The following SERPINA4 variants were observed in gnomAD, a reference collection of about 807,000 sequenced individuals.
SERPINA4 encodes the protein kallistatin.
SERPINA4 carries 24 observed loss-of-function variants against 25.4 expected under a neutral mutation model. That is an observed-to-expected ratio of 0.95 (90% CI 0.69 to 1.33). The LOEUF (loss-of-function observed/expected upper bound fraction) is 1.33. SERPINA4 is among the 40% of genes most tolerant of loss of function. SERPINA4 has a pLI of 0.00. For missense variants in SERPINA4, 553 were observed against 535.8 expected (o/e 1.03, Z -0.32); for synonymous variants, 242 against 223.6 (o/e 1.08, Z -0.73).
intron 3 of SERPINA4, among the ~76,000 whole-genome samples, chr14:94,567,631 A>C (rs1902262143): frequency 6.6e-6 from 1 of 152,170 alleles, no homozygotes; most frequent in African/African-American, 2.4e-5. Flanking sequence ...CCACCTACCC[A>C]AGGAATTAAT....
In SERPINA4 at chr14:94,568,079, G is replaced by T. The variant is rs117726981; in HGVS notation, c.924-50G>T. The T allele has an allele frequency of 3.1e-3, 4,891 of 1,599,884 alleles. 7 individuals carry two copies. Among genetic ancestry groups the T allele is most frequent in the Non-Finnish European group, 3.7e-3 (4,282 of 1,168,742 alleles). On this transcript the variant is annotated intron_variant, in intron 3 of 4. Coordinates refer to ENST00000557004, the MANE Select transcript of SERPINA4 (RefSeq NM_006215.4). ...ACCAAGGAGGGCTCTGCCCAGCAGG[G>T]ATCCTGGCTTGTTCATTAATCTAAT...
Position 94,563,812 on chromosome 14 carries a change from C to G in SERPINA4, c.330C>G (p.Thr110=), listed in dbSNP as rs141308668. The change falls in exon 2 of 5, where the codon ACC becomes ACG. Residue 110 remains threonine, a synonymous_variant. Transcript: ENST00000557004. ...QILEGLGFNL[T]ELSESDVHRG... ...TTGAGGGCCTGGGCTTCAACCTCAC[C>G]GAGCTGTCTGAGTCCGATGTCCATA... The G allele has an allele frequency of 2.5e-6, 4 of 1,614,088 alleles. No individual in the cohort carries two copies. In the African/African-American group the frequency reaches 4.0e-5, roughly 16 times the overall value.
chr14:94,567,329 A>C, intron 3 of SERPINA4, 86 bp downstream of exon 3: 2 of 1,421,740 alleles, frequency 1.4e-6, no homozygotes, highest in Non-Finnish European at 1.9e-6. Context: ...CAAAATAGAG[A>C]GTGAACACCA....
At position 94,563,875 on chromosome 14, in the gene SERPINA4, CG is replaced by C; in HGVS notation, c.395del (p.Gly132AlafsTer14). The C allele has an allele frequency of 6.2e-7, 1 of 1,614,144 alleles. No homozygotes were observed. The highest frequency in any genetic ancestry group is 8.5e-7 in the Non-Finnish European group (1 of 1,180,030). On this transcript the variant is annotated frameshift_variant, in exon 2 of 5. Transcript: ENST00000557004. LOFTEE classifies it high-confidence loss of function. ...ACCTCCTGCACACTCTCAACCTCCC[CG>C]GCCATGGGCTGGAAACACGCGTGGG... ...QHLLHTLNLP[G>X]HGLETRVGSA...
chr14:94,563,936 C>T lies in SERPINA4; in HGVS notation c.454C>T (p.Leu152Phe), dbSNP rs745567923. 6.2e-7 allele frequency: 1 copy of T among 1,614,088 alleles called. No individual in the cohort carries two copies. Among genetic ancestry groups the T allele is most frequent in the East Asian group, 2.2e-5 (1 of 44,892 alleles). The change falls in exon 2 of 5, where the codon CTT (leucine) becomes TTT (phenylalanine). Residue 152 changes from leucine (L) to phenylalanine (F), a missense_variant. Physicochemically the swap from Leu to Phe is conservative, Grantham distance 22 (BLOSUM62 0). Transcript: ENST00000557004. Reference sequence around the variant, plus strand: ...GTTCCTGAGCCACAACCTGAAGTTCCTTGCAAAATTCCTGAATGACACCAT... The same window carrying T: ...GTTCCTGAGCCACAACCTGAAGTTCTTTGCAAAATTCCTGAATGACACCAT... ...ALFLSHNLKFLAKFLNDTMAV... is the reference protein window; with the variant it reads ...ALFLSHNLKFFAKFLNDTMAV...
chr14:94,561,524 A>G, intron 1 of SERPINA4, 30 bp downstream of exon 1: 1 of 563,856 alleles, frequency 1.8e-6, no homozygotes. Flanking sequence ...AATGGAGACG[A>G]GAGACTCTAG....
At chr14:94,566,717 C>G (rs528010126) in intron 2 of SERPINA4, among the ~76,000 whole-genome samples, 1 of 152,210 alleles carries the variant, frequency 6.6e-6, no homozygotes, top group Non-Finnish European at 1.5e-5. Context: ...TCTTCTCTAT[C>G]AATCCTACTC....
chr14:94,561,518 G>A, intron 1 of SERPINA4, 24 bp downstream of exon 1: 1 of 531,394 alleles, frequency 1.9e-6, no homozygotes, highest in Non-Finnish European at 2.9e-6. Flanking sequence ...TGAGACAATG[G>A]AGACGAGAGA....
At chr14:94,564,235 G>A (rs1419232226) in intron 2 of SERPINA4, 104 bp downstream of exon 2, 6 of 1,241,676 alleles carry the variant, frequency 4.8e-6, no homozygotes, top group Non-Finnish European at 6.8e-6. Flanking sequence ...AAGTAAAAAC[G>A]TTGTGTCTGA....
chr14:94,562,269 A>G (rs1034724406), intron 1 of SERPINA4, among the ~76,000 whole-genome samples: 1 of 152,168 alleles, frequency 6.6e-6, no homozygotes, highest in Non-Finnish European at 1.5e-5. Flanking sequence ...AAAACCACAG[A>G]TATTACTATC....
chr14:94,567,335 C>A, intron 3 of SERPINA4, 92 bp downstream of exon 3: 1 of 1,346,538 alleles, frequency 7.4e-7, no homozygotes, highest in Non-Finnish European at 1.0e-6. Context: ...AGAGAGTGAA[C>A]ACCAAATTAT....
chr14:94,564,192 G>A (rs1301803544), intron 2 of SERPINA4, 61 bp downstream of exon 2: 1 of 1,509,308 alleles, frequency 6.6e-7, no homozygotes, highest in Admixed American at 1.7e-5. Flanking sequence ...CCACTAATTT[G>A]TTGACTGGTT....
chr14:94,565,159 C>T (rs180816773), intron 2 of SERPINA4, among the ~76,000 whole-genome samples: 77 of 152,286 alleles, frequency 5.1e-4, no homozygotes, highest in Admixed American at 1.8e-3. Flanking sequence ...CCAATGTAAG[C>T]GGACAAGTCA....
rs1595066089 is a variant in SERPINA4 at position 94,567,069 on chromosome 14, A to G, written c.749A>G (p.Gln250Arg). ...CGGGTGCCCATGATGCTGCAGGACC[A>G]GGAGCATCACTGGTATCTTCATGAC... ...TVRVPMMLQD[Q>R]EHHWYLHDRY... Residue 250 changes from glutamine (Q) to arginine (R), a missense_variant, in exon 3 of 5, where the codon CAG (glutamine) becomes CGG (arginine). Physicochemically the swap from Gln to Arg is conservative, Grantham distance 43 (BLOSUM62 1). Coordinates refer to ENST00000557004, the MANE Select transcript of SERPINA4 (RefSeq NM_006215.4). 1 of 1,614,242 alleles carries G rather than the reference A, an allele frequency of 6.2e-7. No homozygotes were observed.
chr14:94,563,553 T>A lies in SERPINA4; in HGVS notation c.71T>A (p.Val24Asp). 6.2e-7 allele frequency: 1 copy of A among 1,614,068 alleles called. No individual in the cohort carries two copies. Among genetic ancestry groups the A allele is most frequent in the Non-Finnish European group, 8.5e-7 (1 of 1,180,024 alleles). Residue 24 changes from valine (V) to aspartate (D), a missense_variant, in exon 2 of 5, where the codon GTT becomes GAT. Val to Asp is a radical substitution (Grantham distance 152). Coordinates refer to ENST00000557004, the MANE Select transcript of SERPINA4 (RefSeq NM_006215.4). ...GCCCTTTCTCATGGCCAGCTGCACG[T>A]TGAGCATGATGGTGAGAGTTGCAGT... is the stretch of plus-strand genomic sequence containing the variant. ...LLALSHGQLHVEHDGESCSNS... is the reference protein window; with the variant it reads ...LLALSHGQLHDEHDGESCSNS...
At chr14:94,569,313 C>T (rs1902317972) in intron 4 of SERPINA4, 82 bp from the exon 5 acceptor site, 3 of 1,271,514 alleles carry the variant, frequency 2.4e-6, no homozygotes, top group Non-Finnish European at 3.3e-6. Flanking sequence ...ATATTATTCC[C>T]TAGCAATTTC....
chr14:94,564,422 A>T (rs574861156), intron 2 of SERPINA4, among the ~76,000 whole-genome samples: 1 of 152,348 alleles, frequency 6.6e-6, no homozygotes, highest in Non-Finnish European at 1.5e-5. Flanking sequence ...ATCTGAGCTC[A>T]GCCTCTACCA....
chr14:94,568,527 A>G (rs1392471235), intron 4 of SERPINA4, among the ~76,000 whole-genome samples: 2 of 152,210 alleles, frequency 1.3e-5, no homozygotes, highest in Non-Finnish European at 2.9e-5. Flanking sequence ...TCAGGGACAC[A>G]GCGTCTTCAT....
intron 1 of SERPINA4, 34 bp from the exon 2 acceptor site, chr14:94,563,432 G>C: frequency 6.4e-7 from 1 of 1,561,778 alleles, no homozygotes; most frequent in East Asian, 2.3e-5. Context: ...GTTCTTCTGG[G>C]GGAATTTCCT....
Sources: gnomAD v4.1 joint callset for allele counts (sites outside exome capture counted in the v4.1 genomes callset) on GRCh38, gnomAD v4.1.1 for gene constraint, MANE v1.5 for transcripts, NCBI Gene and HGNC (gene_info 2026-07-23, HGNC 2026-07-21) for gene names.